KLF8: variants seen among roughly 807,000 people sequenced by gnomAD.
KLF8 encodes the protein KLF transcription factor 8, also known as Krueppel-like factor 8.
Under a neutral mutation model 18.2 loss-of-function variants are expected in KLF8, and 10 were observed. The observed-to-expected ratio is 0.55, with a 90% CI of 0.34 to 0.93. The LOEUF (loss-of-function observed/expected upper bound fraction) is 0.93, where lower values mean the gene tolerates loss of function less well. Among genes scored for constraint, KLF8 ranks in the 40% least tolerant of loss-of-function variants. The probability of loss-of-function intolerance (pLI) is 0.02; values close to 1 mark genes in which losing one functional copy is unlikely to be tolerated. For missense variants in KLF8, 264 were observed against 277.9 expected (o/e 0.95, Z 0.36); for synonymous variants, 109 against 97.3 (o/e 1.12, Z -0.71).
In KLF8 at chrX:56,250,231, A is replaced by G. The variant is rs911255592; in HGVS notation, c.8A>G (p.Asp3Gly). 5.9e-6 allele frequency: 7 copies of G among 1,194,808 alleles called. No individual in the cohort carries two copies. Among genetic ancestry groups the G allele is most frequent in the South Asian group, 1.8e-5 (1 of 55,585 alleles). ...TGTCTTTTCCTTTTCTCTTTTCCAG[A>G]TATGGATAAACTCATAAACAACTTG... MV[D>G]MDKLINNLEV... Residue 3 changes from aspartate to glycine, a missense_variant and splice_region_variant, in exon 2 of 6, where the codon GAT becomes GGT. Physicochemically the swap from Asp to Gly is moderately conservative, Grantham distance 94 (BLOSUM62 -1). This residue lies in a region of KLF8 where 221 missense variants were observed against 193.6 expected (regional missense o/e 1.14). Coordinates refer to ENST00000468660, the MANE Select transcript of KLF8 (RefSeq NM_007250.5).
At chrX:56,142,780 G>A in the KLF8 span, among the ~76,000 whole-genome samples, 1 of 111,396 alleles carries the variant, frequency 9.0e-6, no homozygotes, top group Non-Finnish European at 1.9e-5. Context: ...CCAAAACCTT[G>A]AGGTCATCTC....
At chrX:55,937,188 C>T in the KLF8 span, among the ~76,000 whole-genome samples, 7 of 111,002 alleles carry the variant, frequency 6.3e-5, no homozygotes, top group Admixed American at 1.9e-4. Flanking sequence ...TCCAGAGGAA[C>T]GATCAGGCAG....
chrX:56,152,409 T>C, the KLF8 span, among the ~76,000 whole-genome samples: 4 of 111,200 alleles, frequency 3.6e-5, no homozygotes, highest in Non-Finnish European at 7.5e-5. Context: ...TGTATAATCA[T>C]AGAAGGTGGT....
the KLF8 span, among the ~76,000 whole-genome samples, chrX:56,206,491 G>A: frequency 8.9e-6 from 1 of 111,990 alleles, no homozygotes; most frequent in African/African-American, 3.2e-5. Context: ...ATGGGCTACA[G>A]ACCTCATGAA....
At chrX:56,273,332 A>T (rs1288922006) in intron 5 of KLF8, among the ~76,000 whole-genome samples, 1 of 108,459 alleles carries the variant, frequency 9.2e-6, no homozygotes, top group East Asian at 2.8e-4. Context: ...CAAGCTAATT[A>T]TACTCTTTTA....
At chrX:56,070,287 T>C in the KLF8 span, among the ~76,000 whole-genome samples, 1 of 110,455 alleles carries the variant, frequency 9.1e-6, no homozygotes, top group African/African-American at 3.3e-5. Context: ...TTTGGACAAA[T>C]ACCTAATGCA....
chrX:56,231,777 G>T (rs1051561666), upstream of KLF8, among the ~76,000 whole-genome samples: 2 of 111,479 alleles, frequency 1.8e-5, no homozygotes, highest in Admixed American at 1.9e-4. Context: ...AGGGGGTTGA[G>T]AACTCTATTC....
chrX:56,123,798 C>A, the KLF8 span, among the ~76,000 whole-genome samples: 1 of 111,741 alleles, frequency 8.9e-6, no homozygotes, highest in South Asian at 3.7e-4. Context: ...AGAAAATAGT[C>A]TTTGGTCAAA....
At chrX:56,213,168 A>C in the KLF8 span, among the ~76,000 whole-genome samples, 1 of 110,517 alleles carries the variant, frequency 9.0e-6, no homozygotes, top group Non-Finnish European at 1.9e-5. Flanking sequence ...AACATGCATC[A>C]GCTCTGGGAT....
chrX:55,911,300 A>G, the KLF8 span, among the ~76,000 whole-genome samples: 2 of 111,352 alleles, frequency 1.8e-5, no homozygotes, highest in Non-Finnish European at 3.8e-5. Context: ...AAATCCATGT[A>G]TAAGTGGACC....
chrX:55,978,144 C>T, the KLF8 span, among the ~76,000 whole-genome samples: 1 of 110,631 alleles, frequency 9.0e-6, no homozygotes, highest in African/African-American at 3.3e-5. Context: ...TTCTCCTTGC[C>T]TTCTGTGTTT....
the KLF8 span, among the ~76,000 whole-genome samples, chrX:56,163,380 GC>G: frequency 8.9e-6 from 1 of 111,979 alleles, no homozygotes; most frequent in African/African-American, 3.2e-5. Context: ...ATTTTTGGCT[GC>G]ATTTATGTCT....
the KLF8 span, among the ~76,000 whole-genome samples, chrX:55,940,066 A>G: frequency 9.0e-6 from 1 of 111,689 alleles, no homozygotes; most frequent in Non-Finnish European, 1.9e-5. Flanking sequence ...TGGCAGAGAC[A>G]CAACAAAAAA....
the KLF8 span, among the ~76,000 whole-genome samples, chrX:56,079,075 G>A: frequency 9.0e-6 from 1 of 110,549 alleles, no homozygotes; most frequent in African/African-American, 3.3e-5. Flanking sequence ...CAATTTTGTT[G>A]ATCCTTTCAA....
the KLF8 span, among the ~76,000 whole-genome samples, chrX:56,033,933 A>G: frequency 8.9e-6 from 1 of 112,428 alleles, no homozygotes; most frequent in Non-Finnish European, 1.9e-5. Flanking sequence ...TGAATACCTT[A>G]CATATTTTGT....
chrX:56,191,206 T>G, the KLF8 span, among the ~76,000 whole-genome samples: 1 of 111,641 alleles, frequency 9.0e-6, no homozygotes, highest in Middle Eastern at 4.7e-3. Flanking sequence ...TTAGAAAATC[T>G]AAATGAAAAG....
rs148128499 is a variant in KLF8, at chrX:56,236,782, C to G, written c.7+3441C>G. ...ACCCATTTTGCCTCGCTGGAGGCAA[C>G]TAATGTTATCTATTTATTAGGAATC... is the stretch of plus-strand genomic sequence containing the variant. On this transcript the variant is annotated intron_variant, in intron 1 of 5. Coordinates refer to ENST00000468660, the MANE Select transcript of KLF8 (RefSeq NM_007250.5). Among the ~76,000 whole-genome samples the G allele has an allele frequency of 6.8e-3, 739 of 108,992 alleles. 8 individuals carry two copies. The highest frequency in any genetic ancestry group is 0.024 in the African/African-American group (717 of 29,873). The allele number at this position is 108,992 out of a possible 115,157, so 94.6% of individuals were successfully genotyped here.
chrX:56,099,829 G>A, the KLF8 span, among the ~76,000 whole-genome samples: 4 of 111,802 alleles, frequency 3.6e-5, no homozygotes, highest in Non-Finnish European at 5.6e-5. Context: ...CCAGAATGAT[G>A]GTTCTTGAGG....
At chrX:56,143,125 G>A in the KLF8 span, among the ~76,000 whole-genome samples, 1,417 of 111,015 alleles carry the variant, frequency 0.013, 19 homozygotes, top group African/African-American at 0.044. Context: ...CATCTTTTGC[G>A]ACTCTTCCCT....
Sources: gnomAD v4.1 joint callset for allele counts (sites outside exome capture counted in the v4.1 genomes callset) on GRCh38, gnomAD v4.1.1 for gene constraint, gnomAD v4.1.1 regional missense constraint, MANE v1.5 for transcripts, NCBI Gene and HGNC (gene_info 2026-07-23, HGNC 2026-07-21) for gene names.